The following FAM135A variants were observed in gnomAD, a reference collection of about 807,000 sequenced individuals.
FAM135A encodes the protein protein FAM135A.
A neutral mutation model predicts 146.8 loss-of-function variants in FAM135A; 79 were observed. The ratio of observed to expected loss-of-function variants is 0.54; its 90% confidence interval spans 0.45 to 0.65. FAM135A has a LOEUF of 0.65. FAM135A is among the 30% of genes least tolerant of loss of function. FAM135A has a pLI of 0.00. For synonymous variants in FAM135A, 562 were observed against 603.6 expected, an observed-to-expected ratio of 0.93 and a Z score of 1.01; for missense variants, 1,623 against 1,758.2, an observed-to-expected ratio of 0.92 and a Z score of 1.38.
chr6:70,519,178 C>T (rs138482164), intron 12 of FAM135A, among the ~76,000 whole-genome samples: 90 of 152,146 alleles, frequency 5.9e-4, no homozygotes, highest in African/African-American at 1.9e-3. Flanking sequence ...GGGGTCACGA[C>T]GAGTGGAGAA....
At chr6:70,464,481 T>A (rs957300103) in intron 5 of FAM135A, among the ~76,000 whole-genome samples, 2 of 152,168 alleles carry the variant, frequency 1.3e-5, no homozygotes, top group Admixed American at 1.3e-4. Context: ...GGAGTTGTTA[T>A]CATCTAGCAA....
At position 70,477,075 on chromosome 6, in the gene FAM135A, A is replaced by G. The variant is rs543467806; in HGVS notation, c.369-84A>G. On this transcript the variant is annotated intron_variant, in intron 7 of 21. Coordinates refer to ENST00000418814, the MANE Select transcript of FAM135A (RefSeq NM_001162529.3). The stretch of plus-strand genomic sequence containing the variant: ...ATTTTTAAAAAGTAATTAAGTAAAT[A>G]GTTTTTATAGTTTCAACTACTTTAT... 2.7e-5 allele frequency: 36 copies of G among 1,321,030 alleles called. No homozygotes were observed. The African/African-American group carries it at 5.0e-4, about 18-fold the overall frequency. The allele number at this position is 1,321,030 out of a possible 1,614,324, so 81.8% of individuals were successfully genotyped here.
chr6:70,442,853 A>G (rs912334388), intron 4 of FAM135A, among the ~76,000 whole-genome samples: 2 of 152,208 alleles, frequency 1.3e-5, no homozygotes, highest in African/African-American at 4.8e-5. Context: ...GAGATATTTC[A>G]TATTCCCTGT....
At position 70,525,586 on chromosome 6, in the gene FAM135A, G is replaced by T. The variant is rs1794532296; in HGVS notation, c.2502G>T (p.Gln834His). 2 of 1,613,562 alleles carry T rather than the reference G, an allele frequency of 1.2e-6. No homozygotes were observed. The highest frequency in any genetic ancestry group is 2.2e-5 in the South Asian group (2 of 91,056). Reference sequence around the variant, plus strand: ...GTACAAGTGCTATAAGTGAAATACAGTCATCTTTGACATCCATAAACTCTC... The same window carrying T: ...GTACAAGTGCTATAAGTGAAATACATTCATCTTTGACATCCATAAACTCTC... ...TESTSAISEIQSSLTSINSLP... is the reference protein window; with the variant it reads ...TESTSAISEIHSSLTSINSLP... The change falls in exon 15 of 22, where the codon CAG (glutamine) becomes CAT (histidine). Residue 834 changes from glutamine (Q) to histidine (H), a missense_variant. By Grantham distance (24) the Gln-to-His change is conservative. Transcript: ENST00000418814.
chr6:70,540,373 G>A (rs1797685285), intron 20 of FAM135A, among the ~76,000 whole-genome samples: 1 of 131,746 alleles, frequency 7.6e-6, no homozygotes. Flanking sequence ...CGCCCAGGCT[G>A]GAGTGCAGTG....
At chr6:70,489,480 C>T (rs1175174159) in intron 10 of FAM135A, among the ~76,000 whole-genome samples, 1 of 152,026 alleles carries the variant, frequency 6.6e-6, no homozygotes, top group Non-Finnish European at 1.5e-5. Flanking sequence ...GTTTATGTTA[C>T]CGGGTGGGGT....
intron 2 of FAM135A, among the ~76,000 whole-genome samples, chr6:70,416,250 T>A (rs867597528): frequency 1.3e-5 from 2 of 152,226 alleles, no homozygotes; most frequent in African/African-American, 4.8e-5. Context: ...TTAATGTTCA[T>A]ACACAGTGAA....
intron 12 of FAM135A, among the ~76,000 whole-genome samples, chr6:70,521,472 T>TA (rs1473973688): frequency 6.6e-6 from 1 of 152,222 alleles, no homozygotes; most frequent in African/African-American, 2.4e-5. Flanking sequence ...TTCTCATTGA[T>TA]ATCTTCTTTT....
At chr6:70,529,200 A>T (rs1038635944) in intron 16 of FAM135A, among the ~76,000 whole-genome samples, 1 of 152,036 alleles carries the variant, frequency 6.6e-6, no homozygotes. Flanking sequence ...AGTTATAAAA[A>T]TTAAATTATA....
chr6:70,449,391 C>T (rs1371597415), intron 4 of FAM135A, among the ~76,000 whole-genome samples: 2 of 152,176 alleles, frequency 1.3e-5, no homozygotes, highest in South Asian at 2.1e-4. Context: ...CTTTGACTAA[C>T]ATCTCCTCTT....
intron 5 of FAM135A, among the ~76,000 whole-genome samples, chr6:70,459,206 A>C (rs1052150466): frequency 6.6e-6 from 1 of 152,038 alleles, no homozygotes; most frequent in Non-Finnish European, 1.5e-5. Context: ...TTTCATCTTA[A>C]TACCTTTTCC....
chr6:70,492,401 A>T (rs2128221394), intron 11 of FAM135A, among the ~76,000 whole-genome samples: 1 of 151,968 alleles, frequency 6.6e-6, no homozygotes, highest in East Asian at 1.9e-4. Flanking sequence ...GTAAATATAA[A>T]CAATCTGATC....
intron 4 of FAM135A, among the ~76,000 whole-genome samples, chr6:70,449,631 C>T (rs971121235): frequency 2.9e-4 from 44 of 151,946 alleles, no homozygotes; most frequent in Middle Eastern, 3.4e-3. Flanking sequence ...TATATATATA[C>T]TAGATTTACT....
intron 4 of FAM135A, among the ~76,000 whole-genome samples, chr6:70,439,317 T>A (rs1773927016): frequency 6.6e-6 from 1 of 152,224 alleles, no homozygotes; most frequent in Non-Finnish European, 1.5e-5. Context: ...AAGGGGAGAC[T>A]ATTGTATTTA....
At chr6:70,547,533 C>T (rs888405439) in intron 20 of FAM135A, among the ~76,000 whole-genome samples, 6 of 152,134 alleles carry the variant, frequency 3.9e-5, no homozygotes, top group Non-Finnish European at 5.9e-5. Context: ...AGCACATACA[C>T]TTTTCCACCT....
intron 5 of FAM135A, among the ~76,000 whole-genome samples, chr6:70,474,721 T>C (rs1012144902): frequency 4.6e-5 from 7 of 152,162 alleles, no homozygotes; most frequent in Non-Finnish European, 7.3e-5. Flanking sequence ...TGTGATGATA[T>C]GCGGAGTATT....
At chr6:70,557,716 A>AAAAAC (rs1801159608) in intron 21 of FAM135A, 2 of 151,038 alleles carry the variant, frequency 1.3e-5, no homozygotes, top group African/African-American at 4.9e-5. Flanking sequence ...AAAAAAAAAA[A>AAAAAC]AACCCTGGTC....
At chr6:70,421,305 A>T (rs1219058689) in intron 2 of FAM135A, among the ~76,000 whole-genome samples, 1 of 152,178 alleles carries the variant, frequency 6.6e-6, no homozygotes, top group Non-Finnish European at 1.5e-5. Context: ...TTGGATTTAA[A>T]TTTAAATTAA....
intron 4 of FAM135A, among the ~76,000 whole-genome samples, chr6:70,443,915 A>G (rs1391662846): frequency 3.3e-5 from 5 of 152,272 alleles, no homozygotes; most frequent in East Asian, 3.9e-4. Flanking sequence ...TGGTAATTCC[A>G]TACTATCTTG....
Sources: gnomAD v4.1 joint callset for allele counts (sites outside exome capture counted in the v4.1 genomes callset) on GRCh38, gnomAD v4.1.1 for gene constraint, MANE v1.5 for transcripts, NCBI Gene and HGNC (gene_info 2026-07-23, HGNC 2026-07-21) for gene names.